PCDHGA2: variants seen among roughly 807,000 people sequenced by gnomAD.
The protein encoded by PCDHGA2 is protocadherin gamma subfamily A, 2.
Under a neutral mutation model 59.2 loss-of-function variants are expected in PCDHGA2, and 40 were observed. That is an observed-to-expected ratio of 0.68 (90% CI 0.52 to 0.88). PCDHGA2 has a LOEUF of 0.88. Among genes scored for constraint, PCDHGA2 ranks in the 40% least tolerant of loss-of-function variants. PCDHGA2 has a pLI of 0.00. For missense variants in PCDHGA2, 1,226 were observed against 1,204.0 expected (o/e 1.02, Z -0.27); for synonymous variants, 560 against 526.0 (o/e 1.06, Z -0.89).
chr5:141,460,075 C>T (rs2098981644), intron 1 of PCDHGA2, among the ~76,000 whole-genome samples: 2 of 151,896 alleles, frequency 1.3e-5, no homozygotes, highest in East Asian at 1.9e-4. Context: ...GAGACTTCAT[C>T]TAAAAAATAA....
Position 141,486,690 on chromosome 5 carries a change from C to G in PCDHGA2, c.2425-8117C>G. ...AGGAATCGAGATGTATCAGCTTCCTCTTTCATCTCTCTGAACCCCCAGACA... is the reference window on the plus strand; with the variant it reads ...AGGAATCGAGATGTATCAGCTTCCTGTTTCATCTCTCTGAACCCCCAGACA... On this transcript the variant is annotated intron_variant, in intron 1 of 3. Coordinates refer to ENST00000394576, the MANE Select transcript of PCDHGA2 (RefSeq NM_018915.4). The surrounding 1 kb of genome is among the most constrained non-coding windows in gnomAD (Gnocchi z 5.0). 3 of 1,614,144 alleles carry G rather than the reference C, an allele frequency of 1.9e-6. No individual in the cohort carries two copies. The highest frequency in any genetic ancestry group is 2.5e-6 in the Non-Finnish European group (3 of 1,180,036).
Position 141,481,770 on chromosome 5 carries a change from G to T in PCDHGA2, c.2425-13037G>T, listed in dbSNP as rs188953511. 6.1e-3 allele frequency among the ~76,000 whole-genome samples: 929 copies of T among 152,184 alleles called. 10 individuals are homozygous for T. Among genetic ancestry groups the T allele is most frequent in the African/African-American group, 0.022 (895 of 41,516 alleles). On this transcript the variant is annotated intron_variant, in intron 1 of 3. Coordinates refer to ENST00000394576, the MANE Select transcript of PCDHGA2 (RefSeq NM_018915.4). ...AGTCCAAGACCAGCCTGGCCAACAT[G>T]GTGAAACCCCGTCTCTACTAAAAAT... is the stretch of plus-strand genomic sequence containing the variant.
chr5:141,511,265 A>G lies in PCDHGA2; in HGVS notation c.*92A>G. On this transcript the variant is annotated 3_prime_UTR_variant, in exon 4 of 4. Coordinates refer to ENST00000394576, the MANE Select transcript of PCDHGA2 (RefSeq NM_018915.4). ...ACCCAGGCCTCAGAGTTTCAGGGCT[A>G]ACCCCCAGAATACTGGTAGGGGCCA... The G allele has an allele frequency of 6.4e-7, 1 of 1,551,730 alleles. No individual in the cohort carries two copies. Among genetic ancestry groups the G allele is most frequent in the South Asian group, 1.2e-5 (1 of 83,132 alleles).
At chr5:141,415,700 A>G (rs1213224503) in intron 1 of PCDHGA2, 1 of 1,515,570 alleles carries the variant, frequency 6.6e-7, no homozygotes, top group East Asian at 2.5e-5. Flanking sequence ...GAAAGTGTAA[A>G]TGCTAAAACA....
At chr5:141,465,162 G>A (rs1464525964) in intron 1 of PCDHGA2, among the ~76,000 whole-genome samples, 1 of 151,654 alleles carries the variant, frequency 6.6e-6, no homozygotes, top group Non-Finnish European at 1.5e-5. Context: ...GACTCTAAAT[G>A]TTTATGAAGA....
intron 1 of PCDHGA2, among the ~76,000 whole-genome samples, chr5:141,368,183 A>C (rs1765520676): frequency 6.6e-6 from 1 of 152,202 alleles, no homozygotes; most frequent in South Asian, 2.1e-4. Flanking sequence ...TAATGACTAA[A>C]TAAGGGGAAA....
rs2149992111 is a variant in PCDHGA2 at position 141,371,797 on chromosome 5, G to A, written c.2424+30402G>A. On this transcript the variant is annotated intron_variant, in intron 1 of 3. Transcript: ENST00000394576. ...CATGTAGCTGAGAACAATCCGCCTG[G>A]AGCCTCCATTGCGCATGTCAGAGCC... 1.9e-6 allele frequency: 3 copies of A among 1,613,898 alleles called. No homozygotes were observed. In the East Asian group the frequency reaches 6.7e-5, roughly 36 times the overall value.
chr5:141,453,333 A>T (rs181261279), intron 1 of PCDHGA2, among the ~76,000 whole-genome samples: 3 of 151,914 alleles, frequency 2.0e-5, no homozygotes, highest in Admixed American at 1.3e-4. Context: ...GGGTCTCACT[A>T]TGTTTCCCCA....
At chr5:141,507,842 C>CT (rs2099864170) in intron 3 of PCDHGA2, among the ~76,000 whole-genome samples, 1 of 152,230 alleles carries the variant, frequency 6.6e-6, no homozygotes, top group Admixed American at 6.5e-5. Flanking sequence ...GGGTCAGGCC[C>CT]TGCTCTCACT....
At chr5:141,387,770 T>A in intron 1 of PCDHGA2, 1 of 1,438,412 alleles carries the variant, frequency 7.0e-7, no homozygotes, top group Non-Finnish European at 9.2e-7. Flanking sequence ...AAGAATTTTT[T>A]CTTGAACTGG....
rs141252229 is a variant in PCDHGA2, at chr5:141,339,874, G to A, written c.903G>A (p.Leu301=). Residue 301 remains leucine, a synonymous_variant, in exon 1 of 4, where the codon CTG becomes CTA. Coordinates refer to ENST00000394576, the MANE Select transcript of PCDHGA2 (RefSeq NM_018915.4). ...VFELKSTSGE[L]TIIKDLDYED... is the part of the protein sequence containing the mutation. ...AGCTTAAGTCAACATCTGGAGAACT[G>A]ACAATCATAAAAGATCTAGATTATG... The A allele has an allele frequency of 1.2e-4, 198 of 1,614,110 alleles. 1 individual carries two copies. The African/African-American group carries it at 2.0e-3, about 16-fold the overall frequency.
chr5:141,419,604 C>T (rs1279434352), intron 1 of PCDHGA2: 1 of 1,611,850 alleles, frequency 6.2e-7, no homozygotes, highest in East Asian at 2.2e-5. Flanking sequence ...CCGCGGGCCG[C>T]GCAGCCAGGC....
chr5:141,365,768 G>A (rs1246552960), intron 1 of PCDHGA2: 2 of 1,613,812 alleles, frequency 1.2e-6, no homozygotes, highest in African/African-American at 1.3e-5. Flanking sequence ...CCATGACCCC[G>A]ACAGCGGCGA....
rs139832920 is a variant in PCDHGA2, at chr5:141,432,866, G to T, written c.2425-61941G>T. On this transcript the variant is annotated intron_variant, in intron 1 of 3. Coordinates refer to ENST00000394576, the MANE Select transcript of PCDHGA2 (RefSeq NM_018915.4). This position sits in a 1 kb window ranked among gnomAD's most constrained non-coding sequence, Gnocchi z 6.0. ...GGTAGCGGTGGCCGCGGTCTCCTGC[G>T]TCTTCCTGGCCTTCGTCATCTTGCT... The T allele has an allele frequency of 1.9e-6, 3 of 1,614,034 alleles. No individual in the cohort carries two copies. The African/African-American group carries it at 4.0e-5, about 22-fold the overall frequency.
intron 1 of PCDHGA2, chr5:141,371,953 T>G: frequency 6.2e-7 from 1 of 1,613,260 alleles, no homozygotes; most frequent in South Asian, 1.1e-5. Context: ...CAGCGAGCCT[T>G]CGACCACGAG....
At chr5:141,437,895 A>G (rs911855268) in intron 1 of PCDHGA2, among the ~76,000 whole-genome samples, 23 of 151,954 alleles carry the variant, frequency 1.5e-4, no homozygotes, top group African/African-American at 4.8e-4. Flanking sequence ...ACGCCACCAC[A>G]CCCAGCTAAT....
chr5:141,455,593 C>T (rs957677108), intron 1 of PCDHGA2, among the ~76,000 whole-genome samples: 4 of 152,070 alleles, frequency 2.6e-5, no homozygotes, highest in Non-Finnish European at 5.9e-5. Flanking sequence ...AATATGCAAA[C>T]GTAGGGCGCC....
intron 1 of PCDHGA2, chr5:141,423,722 G>T: frequency 1.0e-6 from 1 of 954,174 alleles, no homozygotes; most frequent in Non-Finnish European, 1.3e-6. Flanking sequence ...TTAAGGAGAT[G>T]TTTTTTGAGC....
chr5:141,501,228 A>G (rs1054674676), intron 2 of PCDHGA2, among the ~76,000 whole-genome samples: 10 of 149,588 alleles, frequency 6.7e-5, no homozygotes, highest in African/African-American at 2.5e-4. Context: ...TAGATTTCTC[A>G]GTTTTTTGAG....
Sources: gnomAD v4.1 joint callset for allele counts (sites outside exome capture counted in the v4.1 genomes callset) on GRCh38, gnomAD v4.1.1 for gene constraint, Gnocchi (gnomAD v3.1) non-coding constraint, MANE v1.5 for transcripts, NCBI Gene and HGNC (gene_info 2026-07-23, HGNC 2026-07-21) for gene names.